The following C6 variants were observed in gnomAD, a reference collection of about 807,000 sequenced individuals.
C6 encodes the protein complement component C6.
C6 carries 101 observed loss-of-function variants against 112.9 expected under a neutral mutation model. That is an observed-to-expected ratio of 0.89 (90% CI 0.76 to 1.06). C6 has a LOEUF of 1.06. Ranked by LOEUF, C6 falls within the 50% of genes least tolerant of loss-of-function variation. The pLI is 0.00. For missense variants in C6, 1,202 were observed against 1,104.6 expected (o/e 1.09, Z -1.25); for synonymous variants, 431 against 384.1 (o/e 1.12, Z -1.43).
chr5:41,190,783 A>T (rs1750133110), intron 5 of C6, among the ~76,000 whole-genome samples: 1 of 152,146 alleles, frequency 6.6e-6, no homozygotes, highest in Non-Finnish European at 1.5e-5. Flanking sequence ...TTTGTATAGC[A>T]TGAGTGGTGG....
At chr5:41,206,314 TCTC>T (rs1444185073) in intron 1 of C6, among the ~76,000 whole-genome samples, 3 of 152,130 alleles carry the variant, frequency 2.0e-5, no homozygotes, top group African/African-American at 7.2e-5. Flanking sequence ...GAGCACCTCT[TCTC>T]CTCCAAAGGA....
intron 1 of C6, among the ~76,000 whole-genome samples, chr5:41,244,705 A>C (rs1740918795): frequency 7.5e-6 from 1 of 133,722 alleles, no homozygotes; most frequent in African/African-American, 2.9e-5. Flanking sequence ...AGGTATTAAA[A>C]GTCAAACACA....
intron 8 of C6, among the ~76,000 whole-genome samples, chr5:41,175,737 G>A (rs1185909571): frequency 6.6e-6 from 1 of 152,194 alleles, no homozygotes; most frequent in Non-Finnish European, 1.5e-5. Flanking sequence ...ACCAAGTCAA[G>A]AGCAGAGATT....
At chr5:41,189,860 T>C (rs888949820) in intron 5 of C6, among the ~76,000 whole-genome samples, 49 of 152,154 alleles carry the variant, frequency 3.2e-4, no homozygotes, top group African/African-American at 1.2e-3. Context: ...AGTGAGAACA[T>C]GTAGTATTTA....
intron 1 of C6, among the ~76,000 whole-genome samples, chr5:41,235,495 G>C (rs1255824346): frequency 7.0e-6 from 1 of 142,664 alleles, no homozygotes; most frequent in East Asian, 2.1e-4. Context: ...ATTTGGGTTG[G>C]TTCCAAGTCT....
rs747958045 is a variant in C6 at position 41,159,102 on chromosome 5, T to C, written c.1836A>G (p.Thr612=). 1 of 1,613,758 alleles carries C rather than the reference T, an allele frequency of 6.2e-7. No individual in the cohort carries two copies. The highest frequency in any genetic ancestry group is 8.5e-7 in the Non-Finnish European group (1 of 1,179,736). Residue 612 remains threonine (T), a synonymous_variant, in exon 12 of 18, where the codon ACA becomes ACG. Transcript: ENST00000337836. The part of the protein sequence containing the change: ...EGEKRQEEDC[T]FSIMENNGQP... Reference sequence around the variant, plus strand: ...CTTACTTGTTTTCCATGATTGAAAATGTGCAGTCTTCCTCTTGTCGCTTCT... The same window carrying C: ...CTTACTTGTTTTCCATGATTGAAAACGTGCAGTCTTCCTCTTGTCGCTTCT...
In C6 at chr5:41,203,387, C is replaced by G. The variant is rs1490739149; in HGVS notation, c.-20-137G>C. On this transcript the variant is annotated intron_variant, in intron 1 of 17. Transcript: ENST00000337836. ...TGCCTTCCTTAAGGCAAGTCAACAC[C>G]TACAAATTCACATGCTCGTGAGTAC... 6.3e-6 allele frequency: 5 copies of G among 790,438 alleles called. No homozygotes were observed. The Admixed American group carries it at 1.1e-4, about 17-fold the overall frequency. 49.0% of individuals were successfully genotyped at this position (790,438 alleles called of 1,614,324 possible). A position where few individuals can be genotyped will look rare whatever the true frequency, so the allele number is the denominator to read the frequency against.
intron 1 of C6, among the ~76,000 whole-genome samples, chr5:41,223,211 G>A (rs1440467139): frequency 4.6e-5 from 7 of 152,140 alleles, no homozygotes; most frequent in African/African-American, 1.4e-4. Context: ...GCACTGGGGC[G>A]ATATATGTCA....
chr5:41,200,724 G>T (rs62361614), intron 3 of C6, among the ~76,000 whole-genome samples: 45,344 of 151,790 alleles, frequency 0.3, 7,917 homozygotes, highest in Non-Finnish European at 0.4. Context: ...ATGAGTTTGT[G>T]GTGGGTAAAT....
At chr5:41,249,028 T>C (rs1741185869) in intron 1 of C6, among the ~76,000 whole-genome samples, 1 of 152,184 alleles carries the variant, frequency 6.6e-6, no homozygotes, top group South Asian at 2.1e-4. Flanking sequence ...CTAGAGGTCA[T>C]TATTCTAAGA....
rs756093054 is a variant in C6 at position 41,160,133 on chromosome 5, G to A, written c.1684+9C>T. The A allele has an allele frequency of 4.4e-6, 7 of 1,595,808 alleles. No homozygotes were observed. The highest frequency in any genetic ancestry group is 3.3e-5 in the South Asian group (3 of 90,700). ...CTTATCTACCTCACAATAGATTCCT[G>A]ATACTTACTGGATTTATAATCTGGA... On this transcript the variant is annotated intron_variant, in intron 11 of 17. Transcript: ENST00000337836.
In C6 at chr5:41,260,545, G is replaced by A. The variant is rs565869244; in HGVS notation, c.-21+649C>T. On this transcript the variant is annotated intron_variant, in intron 1 of 17. Coordinates refer to the C6 transcript ENST00000263413. ...AGCACTTTGGGAGGCCGAGGCGGTCGTATCACCTGAGGTTGGGAGTTCGAG... is the reference window on the plus strand; with the variant it reads ...AGCACTTTGGGAGGCCGAGGCGGTCATATCACCTGAGGTTGGGAGTTCGAG... Among the ~76,000 whole-genome samples the A allele has an allele frequency of 3.3e-5, 5 of 151,330 alleles. No individual in the cohort carries two copies. In the South Asian group the frequency reaches 8.4e-4, roughly 25 times the overall value.
intron 1 of C6, among the ~76,000 whole-genome samples, chr5:41,255,796 T>A (rs1741656897): frequency 6.6e-6 from 1 of 152,244 alleles, no homozygotes; most frequent in South Asian, 2.1e-4. Context: ...GGTCAGGAGT[T>A]GACCTGTGGT....
chr5:41,220,939 A>T (rs111314667), intron 1 of C6, among the ~76,000 whole-genome samples: 2,143 of 152,124 alleles, frequency 0.014, 35 homozygotes, highest in African/African-American at 0.036. Context: ...CAGATTTTTT[A>T]AAAAAAGAGC....
At chr5:41,230,515 T>A (rs1463739876) in intron 1 of C6, among the ~76,000 whole-genome samples, 2 of 152,140 alleles carry the variant, frequency 1.3e-5, no homozygotes, top group African/African-American at 2.4e-5. Context: ...AATTCCAGCC[T>A]GGTAAATTCT....
At chr5:41,186,817 A>G (rs1405018719) in intron 5 of C6, among the ~76,000 whole-genome samples, 3 of 152,118 alleles carry the variant, frequency 2.0e-5, no homozygotes, top group Non-Finnish European at 4.4e-5. Flanking sequence ...TATGATGTAG[A>G]TATAATTATT....
intron 9 of C6, among the ~76,000 whole-genome samples, chr5:41,162,122 A>G (rs1372972692): frequency 6.6e-6 from 1 of 152,184 alleles, no homozygotes; most frequent in East Asian, 1.9e-4. Context: ...ATCTTATATA[A>G]TTCTCATGAC....
At chr5:41,238,668 T>C (rs1740488932) in intron 1 of C6, among the ~76,000 whole-genome samples, 1 of 152,184 alleles carries the variant, frequency 6.6e-6, no homozygotes, top group South Asian at 2.1e-4. Context: ...ATTTTTATGG[T>C]GTAATATCTG....
At chr5:41,149,118 A>T (rs1561089992) in intron 17 of C6, 123 bp downstream of exon 17, 13 of 1,265,432 alleles carry the variant, frequency 1.0e-5, no homozygotes, top group African/African-American at 4.4e-5. Context: ...CATTTTATGA[A>T]TTTTTTTTAC....
Sources: allele counts gnomAD v4.1 joint callset (sites outside exome capture counted in the v4.1 genomes callset), GRCh38; gene constraint gnomAD v4.1.1; transcripts MANE v1.5; gene names NCBI Gene and HGNC (gene_info 2026-07-23, HGNC 2026-07-21).